PALM2AKAP2: variants seen among roughly 807,000 people sequenced by gnomAD.
PALM2AKAP2 encodes the protein PALM2-AKAP2 fusion protein.
In PALM2AKAP2, 37 loss-of-function variants were observed where a neutral mutation model predicts 71.5. The ratio of observed to expected loss-of-function variants is 0.52; its 90% confidence interval spans 0.40 to 0.68. PALM2AKAP2 has a LOEUF of 0.68. Ranked by LOEUF, PALM2AKAP2 falls within the 30% of genes least tolerant of loss-of-function variation. PALM2AKAP2 has a pLI of 0.00. For synonymous variants in PALM2AKAP2, 468 were observed against 478.8 expected, an observed-to-expected ratio of 0.98 and a Z score of 0.29; for missense variants, 1,224 against 1,191.8, an observed-to-expected ratio of 1.03 and a Z score of -0.40.
intron 7 of PALM2AKAP2, among the ~76,000 whole-genome samples, chr9:110,035,368 TTATA>T (rs1473568526): frequency 1.4e-5 from 2 of 142,910 alleles, no homozygotes; most frequent in Admixed American, 7.2e-5. Context: ...ATAATACATA[TTATA>T]TACATATATT....
intron 6 of PALM2AKAP2, among the ~76,000 whole-genome samples, chr9:109,989,969 T>C (rs1832445153): frequency 6.6e-6 from 1 of 152,206 alleles, no homozygotes; most frequent in Non-Finnish European, 1.5e-5. Context: ...ACTTCCTAAA[T>C]TCTTATATCC....
intron 1 of PALM2AKAP2, among the ~76,000 whole-genome samples, chr9:109,689,548 G>A (rs1827852420): frequency 6.6e-6 from 1 of 152,136 alleles, no homozygotes; most frequent in Non-Finnish European, 1.5e-5. Flanking sequence ...ACGTGAGATG[G>A]GTGTGATATA....
At chr9:110,137,614 A>G (rs1468042079) in exon 2 of PALM2AKAP2, 5 of 1,614,118 alleles carry the variant, frequency 3.1e-6, no homozygotes, top group Non-Finnish European at 4.2e-6. Context: ...ATCAGTTCTC[A>G]AGATCTGTCA....
chr9:109,871,174 A>G (rs1829594307), intron 2 of PALM2AKAP2, among the ~76,000 whole-genome samples: 2 of 152,250 alleles, frequency 1.3e-5, no homozygotes, highest in African/African-American at 4.8e-5. Context: ...ATATATTTTT[A>G]GAAGACTTAC....
Position 110,037,175 on chromosome 9 carries a change from CT to C in PALM2AKAP2, c.582+21147del, listed in dbSNP as rs547998825. On this transcript the variant is annotated intron_variant, in intron 7 of 9. Transcript: ENST00000302798. ...AAGCTACATGAACATGGGGACTTTCCTTTTTTTTTTTCCAACAAATATTTTT... is the reference window on the plus strand; with the variant it reads ...AAGCTACATGAACATGGGGACTTTCCTTTTTTTTTTCCAACAAATATTTTT... Among the ~76,000 whole-genome samples, 523 of 144,848 alleles carry C rather than the reference CT, an allele frequency of 3.6e-3. 4 individuals are homozygous for C. Among genetic ancestry groups the C allele is most frequent in the African/African-American group, 0.012 (462 of 39,784 alleles).
At chr9:110,056,557 T>G (rs1167600001) in intron 1 of PALM2AKAP2, among the ~76,000 whole-genome samples, 1 of 152,232 alleles carries the variant, frequency 6.6e-6, no homozygotes, top group African/African-American at 2.4e-5. Flanking sequence ...TAAAGCCATA[T>G]TTTAGCTTGG....
intron 1 of PALM2AKAP2, among the ~76,000 whole-genome samples, chr9:109,726,418 G>T (rs1276863003): frequency 6.6e-6 from 1 of 152,238 alleles, no homozygotes; most frequent in Non-Finnish European, 1.5e-5. Flanking sequence ...GCGTTCAGTG[G>T]TGGGGCTGTT....
intron 6 of PALM2AKAP2, among the ~76,000 whole-genome samples, chr9:110,015,595 C>A (rs1028927341): frequency 3.3e-5 from 5 of 152,026 alleles, no homozygotes; most frequent in Admixed American, 6.6e-5. Context: ...AACAAGAGTG[C>A]AACTTGGTCT....
intron 1 of PALM2AKAP2, among the ~76,000 whole-genome samples, chr9:109,698,303 G>T: frequency 7.1e-6 from 1 of 140,320 alleles, no homozygotes; most frequent in Non-Finnish European, 1.5e-5. Context: ...TTGAGACGGA[G>T]TTTCGCTTTT....
chr9:109,834,255 G>T (rs1828390727), intron 1 of PALM2AKAP2, among the ~76,000 whole-genome samples: 1 of 152,122 alleles, frequency 6.6e-6, no homozygotes. Context: ...ATTTGACAGT[G>T]TACAAAGTTT....
At chr9:109,737,987 T>C (rs891208768) in intron 1 of PALM2AKAP2, among the ~76,000 whole-genome samples, 7 of 152,340 alleles carry the variant, frequency 4.6e-5, no homozygotes, top group Non-Finnish European at 7.3e-5. Flanking sequence ...AAAATCTTTA[T>C]TGAGTCTTCC....
At chr9:110,070,164 A>T (rs1834173004) in intron 1 of PALM2AKAP2, among the ~76,000 whole-genome samples, 2 of 152,188 alleles carry the variant, frequency 1.3e-5, no homozygotes. Flanking sequence ...ACTCTCATAC[A>T]TTCATCTTCC....
chr9:109,787,439 A>G (rs1313278993), intron 1 of PALM2AKAP2, among the ~76,000 whole-genome samples: 1 of 152,228 alleles, frequency 6.6e-6, no homozygotes, highest in Non-Finnish European at 1.5e-5. Flanking sequence ...AATTAGATAA[A>G]TACTAGGAAA....
At chr9:109,702,861 T>C (rs1421116633) in intron 1 of PALM2AKAP2, among the ~76,000 whole-genome samples, 1 of 151,586 alleles carries the variant, frequency 6.6e-6, no homozygotes, top group East Asian at 1.9e-4. Flanking sequence ...CTTGGTCGCC[T>C]AGGCTGGAGT....
intron 1 of PALM2AKAP2, among the ~76,000 whole-genome samples, chr9:109,714,213 A>T (rs1183777234): frequency 6.6e-6 from 1 of 152,196 alleles, no homozygotes; most frequent in Non-Finnish European, 1.5e-5. Context: ...AACCTCTGAG[A>T]TCCTCCCAAC....
chr9:109,681,742 T>C (rs760532663), intron 1 of PALM2AKAP2, among the ~76,000 whole-genome samples: 5 of 152,216 alleles, frequency 3.3e-5, no homozygotes, highest in Non-Finnish European at 5.9e-5. Context: ...AAAATATCAC[T>C]GTTTCCTTCA....
chr9:109,878,467 A>G (rs1047599721), intron 2 of PALM2AKAP2, among the ~76,000 whole-genome samples: 2 of 151,714 alleles, frequency 1.3e-5, no homozygotes, highest in Non-Finnish European at 2.9e-5. Context: ...AAATTTGCCT[A>G]TGTGCTGCAA....
chr9:109,700,144 T>C (rs1023617658), intron 1 of PALM2AKAP2, among the ~76,000 whole-genome samples: 1 of 152,196 alleles, frequency 6.6e-6, no homozygotes, highest in African/African-American at 2.4e-5. Flanking sequence ...AAATTCATTC[T>C]GCACTTGATG....
At chr9:110,093,216 A>G (rs1404338664) in intron 1 of PALM2AKAP2, among the ~76,000 whole-genome samples, 1 of 151,694 alleles carries the variant, frequency 6.6e-6, no homozygotes, top group Non-Finnish European at 1.5e-5. Flanking sequence ...CAAATAAGCA[A>G]AAGTTTCAGA....
Sources: allele counts gnomAD v4.1 joint callset (sites outside exome capture counted in the v4.1 genomes callset), GRCh38; gene constraint gnomAD v4.1.1; transcripts MANE v1.5; gene names NCBI Gene and HGNC (gene_info 2026-07-23, HGNC 2026-07-21).